The following MAD1L1 variants were observed in gnomAD, a reference collection of about 807,000 sequenced individuals.
The protein encoded by MAD1L1 is mitotic arrest deficient 1 like 1, also known as mitotic spindle assembly checkpoint protein MAD1.
MAD1L1 carries 95 observed loss-of-function variants against 96.9 expected under a neutral mutation model. The ratio of observed to expected loss-of-function variants is 0.98; its 90% CI spans 0.83 to 1.16. The LOEUF (loss-of-function observed/expected upper bound fraction) is 1.16. Ranked by LOEUF, MAD1L1 falls within the 50% of genes most tolerant of loss-of-function variation. MAD1L1 has a pLI of 0.00. For missense variants in MAD1L1, 1,007 were observed against 954.4 expected (o/e 1.06, Z -0.73); for synonymous variants, 473 against 396.6 (o/e 1.19, Z -2.29).
intron 16 of MAD1L1, among the ~76,000 whole-genome samples, chr7:1,938,406 C>T (rs920559172): frequency 1.3e-5 from 2 of 151,622 alleles, no homozygotes; most frequent in Admixed American, 6.6e-5. Flanking sequence ...AAGTGCTGGC[C>T]GTAAAAGAAA....
intron 12 of MAD1L1, among the ~76,000 whole-genome samples, chr7:2,065,667 G>A (rs1210773696): frequency 3.3e-5 from 5 of 152,138 alleles, no homozygotes; most frequent in Admixed American, 1.3e-4. Context: ...CAGTGTGCGG[G>A]TTCCCAGGGC....
At chr7:2,122,533 C>T (rs1032545305) in intron 11 of MAD1L1, among the ~76,000 whole-genome samples, 2 of 151,944 alleles carry the variant, frequency 1.3e-5, no homozygotes, top group Admixed American at 6.6e-5. Context: ...ACCCGGGAGG[C>T]GGAGGTTGCC....
chr7:2,097,196 C>T (rs1046060469), intron 11 of MAD1L1, among the ~76,000 whole-genome samples: 3 of 151,728 alleles, frequency 2.0e-5, no homozygotes, highest in East Asian at 3.9e-4. Flanking sequence ...CGCCCAGGCA[C>T]GCGCTCACCC....
At chr7:2,212,733 A>G (rs1793041696) in intron 10 of MAD1L1, among the ~76,000 whole-genome samples, 1 of 152,160 alleles carries the variant, frequency 6.6e-6, no homozygotes, top group South Asian at 2.1e-4. Flanking sequence ...GCGTGAGCCA[A>G]TTCCACCTCT....
intron 18 of MAD1L1, among the ~76,000 whole-genome samples, chr7:1,888,249 C>T (rs1583665422): frequency 9.2e-6 from 1 of 108,738 alleles, no homozygotes; most frequent in Admixed American, 1.0e-4. Flanking sequence ...GCTGCCTATG[C>T]ATCTGTATGC....
In MAD1L1 at chr7:2,145,493, GAA is replaced by G. The variant is rs1789251107; in HGVS notation, c.1073+3657_1073+3658del. 2.0e-5 allele frequency among the ~76,000 whole-genome samples: 3 copies of G among 152,328 alleles called. No homozygotes were observed. In the South Asian group the frequency reaches 6.2e-4, roughly 32 times the overall value. ...TCAGTCCAGCTCACAGCAGCGTTTG[GAA>G]CTGTGCTTCACCAGTAAAAGGGGTC... On this transcript the variant is annotated intron_variant, in intron 11 of 18. Coordinates refer to ENST00000265854, the MANE Select transcript of MAD1L1 (RefSeq NM_001013836.2).
At chr7:2,004,260 T>C (rs955364160) in intron 13 of MAD1L1, among the ~76,000 whole-genome samples, 35 of 152,072 alleles carry the variant, frequency 2.3e-4, no homozygotes, top group African/African-American at 8.2e-4. Context: ...CCCGCACCCC[T>C]GGCAAAGCTC....
chr7:2,171,353 T>G (rs1790695371), intron 10 of MAD1L1, among the ~76,000 whole-genome samples: 1 of 152,206 alleles, frequency 6.6e-6, no homozygotes, highest in Admixed American at 6.5e-5. Flanking sequence ...AACACTGTGG[T>G]GCTGGAGCCA....
intron 11 of MAD1L1, among the ~76,000 whole-genome samples, chr7:2,089,507 T>C (rs73285726): frequency 0.046 from 6,944 of 152,302 alleles, 255 homozygotes; most frequent in African/African-American, 0.095. Flanking sequence ...TAAACCTTTT[T>C]GTATTTCCAG....
At chr7:1,829,897 C>G (rs1782621742) in intron 18 of MAD1L1, among the ~76,000 whole-genome samples, 1 of 152,178 alleles carries the variant, frequency 6.6e-6, no homozygotes. Flanking sequence ...AGAGGAAATA[C>G]TGGAATTAAG....
intron 12 of MAD1L1, among the ~76,000 whole-genome samples, chr7:2,061,544 G>A (rs1784660742): frequency 6.6e-6 from 1 of 152,140 alleles, no homozygotes; most frequent in African/African-American, 2.4e-5. Flanking sequence ...CCAAAGGCAG[G>A]AGGTGAGGAC....
At chr7:2,030,242 C>G (rs1018187904) in intron 12 of MAD1L1, among the ~76,000 whole-genome samples, 1 of 152,192 alleles carries the variant, frequency 6.6e-6, no homozygotes. Flanking sequence ...TGAGGAGGTT[C>G]CCCCAGCCCA....
chr7:2,211,038 G>A lies in MAD1L1; in HGVS notation c.986+2174C>T, dbSNP rs1023850370. Among the ~76,000 whole-genome samples the A allele has an allele frequency of 1.6e-3, 249 of 152,350 alleles. 1 individual carries two copies. Among genetic ancestry groups the A allele is most frequent in the African/African-American group, 5.6e-3 (233 of 41,580 alleles). ...CAGGTCTTACTGTTGGTGGCGGGGG[G>A]CAGGGGGAGCCTTGAATCCAGCCTC... On this transcript the variant is annotated intron_variant, in intron 10 of 18. Transcript: ENST00000265854.
intron 14 of MAD1L1, among the ~76,000 whole-genome samples, chr7:1,992,188 G>T (rs2128489089): frequency 6.7e-6 from 1 of 150,296 alleles, no homozygotes; most frequent in South Asian, 2.1e-4. Context: ...AGCACCGCTG[G>T]GTGCCTGAGC....
Position 2,230,123 on chromosome 7 carries a change from A to G in MAD1L1, c.11T>C (p.Leu4Pro), listed in dbSNP as rs778411162. ...GGATAAAACCATGGTGTTTTCCCCC[A>G]GGTCTTCCATGGTTGCTTTCCTTCC... The part of the protein sequence containing the change: MED[L>P]GENTMVLSTL... Residue 4 changes from leucine to proline, a missense_variant, in exon 3 of 19, where the codon CTG becomes CCG. Transcript: ENST00000265854. 6.3e-7 allele frequency: 1 copy of G among 1,595,992 alleles called. No homozygotes were observed. The highest frequency in any genetic ancestry group is 8.5e-7 in the Non-Finnish European group (1 of 1,170,962).
At chr7:1,962,201 G>A (rs181369788) in intron 15 of MAD1L1, among the ~76,000 whole-genome samples, 2 of 152,372 alleles carry the variant, frequency 1.3e-5, no homozygotes, top group Admixed American at 6.5e-5. Context: ...TCTCGTGGTC[G>A]TGAATAAGTC....
chr7:2,122,504 A>C (rs1788027515), intron 11 of MAD1L1, among the ~76,000 whole-genome samples: 1 of 152,106 alleles, frequency 6.6e-6, no homozygotes, highest in Non-Finnish European at 1.5e-5. Context: ...CGGGAGGCTG[A>C]GGCAGGGGAA....
chr7:2,170,477 C>T lies in MAD1L1; in HGVS notation c.987-21239G>A, dbSNP rs80129064. Among the ~76,000 whole-genome samples the T allele has an allele frequency of 2.5e-3, 386 of 152,162 alleles. 1 individual carries two copies. The highest frequency in any genetic ancestry group is 8.1e-3 in the South Asian group (39 of 4,822). ...GGTGTGGCTGGTGCAGAGGCTGAGG[C>T]GAGGGTGACAGAGAAGCGGGAGAGC... On this transcript the variant is annotated intron_variant, in intron 10 of 18. Coordinates refer to ENST00000265854, the MANE Select transcript of MAD1L1 (RefSeq NM_001013836.2).
At chr7:1,928,688 G>C (rs1789244865) in intron 17 of MAD1L1, among the ~76,000 whole-genome samples, 1 of 152,264 alleles carries the variant, frequency 6.6e-6, no homozygotes, top group Non-Finnish European at 1.5e-5. Context: ...GCATTGCACG[G>C]TGTTTGTACT....
Sources: allele counts gnomAD v4.1 joint callset (sites outside exome capture counted in the v4.1 genomes callset), GRCh38; gene constraint gnomAD v4.1.1; transcripts MANE v1.5; gene names NCBI Gene and HGNC (gene_info 2026-07-23, HGNC 2026-07-21).